SYNPO2: variants seen among roughly 807,000 people sequenced by gnomAD.
SYNPO2 encodes synaptopodin 2, also known as synaptopodin-2.
SYNPO2 carries 56 observed loss-of-function variants against 85.0 expected under a neutral mutation model. The observed-to-expected ratio is 0.66, with a 90% confidence interval of 0.53 to 0.82. The LOEUF is 0.82. Ranked by LOEUF, SYNPO2 falls within the 40% of genes least tolerant of loss-of-function variation. The probability of loss-of-function intolerance (pLI) is 0.00; values close to 1 mark genes in which losing one functional copy is unlikely to be tolerated. For synonymous variants in SYNPO2, 602 were observed against 591.1 expected, an observed-to-expected ratio of 1.02 and a Z score of -0.27; for missense variants, 1,575 against 1,534.2, an observed-to-expected ratio of 1.03 and a Z score of -0.44.
intron 1 of SYNPO2, among the ~76,000 whole-genome samples, chr4:118,988,034 T>C (rs1293650903): frequency 1.3e-5 from 2 of 152,200 alleles, no homozygotes; most frequent in Admixed American, 6.5e-5. Context: ...GTTGGGAGAA[T>C]TTGAGCTCAA....
At chr4:118,898,531 G>A (rs1011156303) in intron 1 of SYNPO2, among the ~76,000 whole-genome samples, 4 of 152,278 alleles carry the variant, frequency 2.6e-5, no homozygotes, top group Middle Eastern at 3.4e-3. Flanking sequence ...TGCAGACATG[G>A]GTTAAGCACT....
At chr4:118,877,898 T>C (rs1731957642) in intron 1 of SYNPO2, among the ~76,000 whole-genome samples, 1 of 152,178 alleles carries the variant, frequency 6.6e-6, no homozygotes. Context: ...ATAAAGATGA[T>C]ACATGCATGT....
intron 1 of SYNPO2, among the ~76,000 whole-genome samples, chr4:118,977,129 C>T (rs1358053187): frequency 1.3e-5 from 2 of 152,202 alleles, no homozygotes; most frequent in Admixed American, 6.5e-5. Flanking sequence ...GCTCGGGCCG[C>T]ACAGGAGCCC....
intron 1 of SYNPO2, among the ~76,000 whole-genome samples, chr4:118,883,718 T>TC (rs1732151981): frequency 1.3e-5 from 2 of 151,968 alleles, no homozygotes; most frequent in African/African-American, 4.8e-5. Context: ...TTTTTCTTTT[T>TC]TTTTTCTCTT....
intron 1 of SYNPO2, among the ~76,000 whole-genome samples, chr4:118,891,513 T>C (rs563064759): frequency 6.6e-6 from 1 of 152,372 alleles, no homozygotes; most frequent in South Asian, 2.1e-4. Flanking sequence ...TGATTTCTTA[T>C]ACTAGCATTA....
chr4:118,902,064 TA>T (rs1433612661), intron 1 of SYNPO2, among the ~76,000 whole-genome samples: 2 of 152,152 alleles, frequency 1.3e-5, no homozygotes, highest in African/African-American at 4.8e-5. Flanking sequence ...AGCTGGCACA[TA>T]TTTCCATGAC....
intron 1 of SYNPO2, among the ~76,000 whole-genome samples, chr4:118,890,323 A>C (rs1239893429): frequency 6.6e-6 from 1 of 152,166 alleles, no homozygotes; most frequent in African/African-American, 2.4e-5. Flanking sequence ...AAAACAGTAG[A>C]TGAAAAGCAG....
intron 1 of SYNPO2, among the ~76,000 whole-genome samples, chr4:118,957,062 T>TA (rs978551507): frequency 2.7e-5 from 4 of 150,326 alleles, no homozygotes; most frequent in African/African-American, 7.4e-5. Context: ...ATAAAAAAAA[T>TA]AAAAAAAATA....
At chr4:119,028,855 T>C (rs577032934) in intron 3 of SYNPO2, among the ~76,000 whole-genome samples, 1 of 152,122 alleles carries the variant, frequency 6.6e-6, no homozygotes, top group South Asian at 2.1e-4. Context: ...GAAAATATGA[T>C]ATAACTATAA....
intron 1 of SYNPO2, among the ~76,000 whole-genome samples, chr4:118,944,783 A>G (rs769143889): frequency 6.6e-6 from 1 of 152,216 alleles, no homozygotes; most frequent in Non-Finnish European, 1.5e-5. Context: ...GCTTTGTATG[A>G]TGTATCTAAC....
intron 1 of SYNPO2, among the ~76,000 whole-genome samples, chr4:119,017,835 T>C (rs1401161141): frequency 6.6e-6 from 1 of 152,186 alleles, no homozygotes; most frequent in Non-Finnish European, 1.5e-5. Context: ...AAAATTTAGT[T>C]CTGACAGCAA....
At chr4:118,988,838 A>G (rs574370513) in intron 1 of SYNPO2, among the ~76,000 whole-genome samples, 1 of 152,222 alleles carries the variant, frequency 6.6e-6, no homozygotes, top group South Asian at 2.1e-4. Flanking sequence ...CACAGGAAAC[A>G]TGCACCTTCC....
intron 1 of SYNPO2, among the ~76,000 whole-genome samples, chr4:118,958,738 G>C (rs1734967091): frequency 6.6e-6 from 1 of 152,138 alleles, no homozygotes; most frequent in African/African-American, 2.4e-5. Flanking sequence ...GACTGCTTTG[G>C]TCGTCATGTT....
At chr4:119,012,319 G>T (rs1199986008) in intron 1 of SYNPO2, among the ~76,000 whole-genome samples, 4 of 150,714 alleles carry the variant, frequency 2.7e-5, no homozygotes, top group African/African-American at 7.3e-5. Flanking sequence ...GCCTGAATTG[G>T]TTGTTGGTTT....
chr4:118,989,677 T>G (rs966720793), intron 1 of SYNPO2, among the ~76,000 whole-genome samples: 3 of 152,234 alleles, frequency 2.0e-5, no homozygotes, highest in African/African-American at 7.2e-5. Flanking sequence ...TGATTCATCA[T>G]GATAGAAATA....
intron 1 of SYNPO2, among the ~76,000 whole-genome samples, chr4:118,976,333 T>G (rs1735734676): frequency 6.6e-6 from 1 of 152,036 alleles, no homozygotes; most frequent in Non-Finnish European, 1.5e-5. Context: ...GGGCTCGTGG[T>G]CTCAAGAGTG....
intron 1 of SYNPO2, among the ~76,000 whole-genome samples, chr4:118,869,294 G>A (rs1299116221): frequency 6.6e-6 from 1 of 152,054 alleles, no homozygotes; most frequent in Non-Finnish European, 1.5e-5. Context: ...TTCACCTCAG[G>A]TGATCCTGCC....
intron 1 of SYNPO2, among the ~76,000 whole-genome samples, chr4:118,936,645 C>T (rs1451497519): frequency 2.0e-5 from 3 of 152,174 alleles, no homozygotes; most frequent in Non-Finnish European, 2.9e-5. Context: ...GATGGTCCCA[C>T]AGCTGTTCTA....
At chr4:118,978,830 C>T (rs903218611) in intron 1 of SYNPO2, among the ~76,000 whole-genome samples, 6 of 136,444 alleles carry the variant, frequency 4.4e-5, no homozygotes, top group African/African-American at 1.1e-4. Flanking sequence ...CACACACACA[C>T]ACTTAGCCCA....
Sources: allele counts gnomAD v4.1 joint callset (sites outside exome capture counted in the v4.1 genomes callset), GRCh38; gene constraint gnomAD v4.1.1; transcripts MANE v1.5; gene names NCBI Gene and HGNC (gene_info 2026-07-23, HGNC 2026-07-21).